Variants in MGST2 observed in about 807,000 individuals in gnomAD.
The protein encoded by MGST2 is microsomal glutathione S-transferase 2, also known as glutathione peroxidase MGST2.
MGST2 carries 9 observed loss-of-function variants against 16.6 expected under a neutral mutation model. The ratio of observed to expected loss-of-function variants is 0.54; its 90% CI spans 0.33 to 0.95. The LOEUF is 0.95. Among genes scored for constraint, MGST2 ranks in the 40% least tolerant of loss-of-function variants. The pLI is 0.03. For synonymous variants in MGST2, 79 were observed against 68.0 expected, an observed-to-expected ratio of 1.16 and a Z score of -0.79; for missense variants, 159 against 175.1, an observed-to-expected ratio of 0.91 and a Z score of 0.52.
intron 1 of MGST2, among the ~76,000 whole-genome samples, chr4:139,666,305 T>C (rs1474634730): frequency 1.3e-5 from 2 of 152,024 alleles, no homozygotes; most frequent in African/African-American, 2.4e-5. Flanking sequence ...ATTCCAGAGA[T>C]TAGTTCTCCC....
chr4:139,678,033 T>C (rs1731052301), intron 1 of MGST2, among the ~76,000 whole-genome samples: 1 of 152,222 alleles, frequency 6.6e-6, no homozygotes, highest in Admixed American at 6.5e-5. Context: ...CACATTTCTG[T>C]AGCCTCAAGA....
At chr4:139,713,114 C>T (rs966179375) in intron 5 of MGST2, among the ~76,000 whole-genome samples, 4 of 152,110 alleles carry the variant, frequency 2.6e-5, no homozygotes, top group African/African-American at 9.7e-5. Flanking sequence ...TCCAAGTGTG[C>T]GGAGTCAAAG....
At chr4:139,708,418 C>T (rs1727602800), downstream of MGST2, among the ~76,000 whole-genome samples, 1 of 151,958 alleles carries the variant, frequency 6.6e-6, no homozygotes, top group South Asian at 2.1e-4. Flanking sequence ...TTCCATTGAT[C>T]TATATCTCTT....
chr4:139,754,314 A>G, the MGST2 span, among the ~76,000 whole-genome samples: 1 of 152,234 alleles, frequency 6.6e-6, no homozygotes, highest in Non-Finnish European at 1.5e-5. Flanking sequence ...TTTATCCACT[A>G]TGGAAAATGT....
At chr4:139,693,047 G>T (rs907808004) in intron 2 of MGST2, among the ~76,000 whole-genome samples, 1 of 152,176 alleles carries the variant, frequency 6.6e-6, no homozygotes, top group African/African-American at 2.4e-5. Flanking sequence ...GCTTACATTT[G>T]GAATAATTTA....
chr4:139,694,598 A>G (rs1464828646), intron 2 of MGST2, among the ~76,000 whole-genome samples: 1 of 152,166 alleles, frequency 6.6e-6, no homozygotes, highest in African/African-American at 2.4e-5. Context: ...TTTTCCATCC[A>G]CGTCTTCTAT....
the MGST2 span, among the ~76,000 whole-genome samples, chr4:139,754,137 T>C: frequency 6.6e-6 from 1 of 152,240 alleles, no homozygotes; most frequent in Non-Finnish European, 1.5e-5. Flanking sequence ...TGACTGAAAC[T>C]GCAAAACTTG....
At position 139,730,690 on chromosome 4, in the gene MGST2, G is replaced by T. The variant is rs747954904; in HGVS notation, c.*49-9522G>T. ...CTCCTGGGAAGACAAGAGAGAGGGA[G>T]ATGCAGGGATTCCCCATAGAGACTC... On this transcript the variant is annotated intron_variant, in intron 5 of 5. Coordinates refer to the MGST2 transcript ENST00000616265. The T allele has an allele frequency of 1.3e-5, 20 of 1,596,754 alleles. No individual in the cohort carries two copies. The Middle Eastern group carries it at 5.6e-4, about 45-fold the overall frequency.
At chr4:139,736,620 G>C (rs1389123615) in intron 5 of MGST2, among the ~76,000 whole-genome samples, 1 of 152,208 alleles carries the variant, frequency 6.6e-6, no homozygotes, top group African/African-American at 2.4e-5. Context: ...TTCCCAGTAT[G>C]GGCAATTTGG....
chr4:139,690,022 T>A (rs1032619346), intron 2 of MGST2, among the ~76,000 whole-genome samples: 4 of 152,156 alleles, frequency 2.6e-5, no homozygotes, highest in Non-Finnish European at 4.4e-5. Context: ...GACAGAGCCT[T>A]GCTCTGTTGC....
At chr4:139,668,263 A>G (rs1730475350) in intron 1 of MGST2, among the ~76,000 whole-genome samples, 1 of 152,206 alleles carries the variant, frequency 6.6e-6, no homozygotes, top group Non-Finnish European at 1.5e-5. Flanking sequence ...TCCAGGTAGC[A>G]GCGTTTGGAG....
At chr4:139,668,336 C>G (rs1730480478) in intron 1 of MGST2, among the ~76,000 whole-genome samples, 2 of 152,144 alleles carry the variant, frequency 1.3e-5, no homozygotes, top group Non-Finnish European at 2.9e-5. Flanking sequence ...TAATTCTCTC[C>G]TGGATCAGAG....
At chr4:139,683,552 G>A (rs1404921336) in intron 2 of MGST2, among the ~76,000 whole-genome samples, 1 of 152,030 alleles carries the variant, frequency 6.6e-6, no homozygotes, top group Admixed American at 6.6e-5. Flanking sequence ...ATACATTGTT[G>A]GTTACACCTC....
intron 2 of MGST2, among the ~76,000 whole-genome samples, chr4:139,686,631 T>C (rs1731586062): frequency 6.6e-6 from 1 of 152,226 alleles, no homozygotes; most frequent in African/African-American, 2.4e-5. Context: ...TTTGCTTTCA[T>C]TGGATTTATT....
At chr4:139,730,171 C>G in intron 5 of MGST2, 1 of 568,160 alleles carries the variant, frequency 1.8e-6, no homozygotes, top group Non-Finnish European at 3.1e-6. Context: ...AGAAATGTCT[C>G]TGGCACACAG....
chr4:139,696,659 T>G (rs1053907407), intron 3 of MGST2, among the ~76,000 whole-genome samples: 1 of 152,206 alleles, frequency 6.6e-6, no homozygotes, highest in African/African-American at 2.4e-5. Context: ...TTTCCTTGAT[T>G]GGCTCTGTTG....
chr4:139,743,385 C>T (rs1386724890), downstream of MGST2, among the ~76,000 whole-genome samples: 4 of 152,230 alleles, frequency 2.6e-5, no homozygotes, highest in Non-Finnish European at 5.9e-5. Context: ...CCCTTTGGAC[C>T]ATTTCTCTGA....
At chr4:139,712,328 A>G (rs1283160888) in intron 5 of MGST2, among the ~76,000 whole-genome samples, 1 of 152,250 alleles carries the variant, frequency 6.6e-6, no homozygotes, top group African/African-American at 2.4e-5. Context: ...GGGTTAGCTT[A>G]AATTGCAGAA....
chr4:139,701,271 C>G (rs1357183638), intron 3 of MGST2, among the ~76,000 whole-genome samples: 2 of 138,382 alleles, frequency 1.4e-5, no homozygotes, highest in East Asian at 5.8e-4. Context: ...CTAACTGTTC[C>G]TGAACTGTTC....
Sources: gnomAD v4.1 joint callset for allele counts (sites outside exome capture counted in the v4.1 genomes callset) on GRCh38, gnomAD v4.1.1 for gene constraint, MANE v1.5 for transcripts, NCBI Gene and HGNC (gene_info 2026-07-23, HGNC 2026-07-21) for gene names.